The following SORT1 variants were observed in gnomAD, a reference collection of about 807,000 sequenced individuals.
The protein encoded by SORT1 is sortilin.
Under a neutral mutation model 101.7 loss-of-function variants are expected in SORT1, and 39 were observed. That is an observed-to-expected ratio of 0.38 (90% confidence interval 0.30 to 0.50). SORT1 has a LOEUF of 0.50. Among genes scored for constraint, SORT1 ranks in the 20% least tolerant of loss-of-function variants. The pLI, the probability that SORT1 is intolerant of heterozygous loss-of-function variation, is 0.90. For synonymous variants in SORT1, 396 were observed against 393.7 expected (o/e 1.01, Z -0.07); for missense variants, 878 against 1,040.4 (o/e 0.84, Z 2.15).
At chr1:109,393,769 T>C (rs1653039614) in intron 1 of SORT1, among the ~76,000 whole-genome samples, 1 of 152,308 alleles carries the variant, frequency 6.6e-6, no homozygotes, top group South Asian at 2.1e-4. Context: ...AGTTATTACA[T>C]ATGTATAGAT....
intron 5 of SORT1, among the ~76,000 whole-genome samples, chr1:109,352,011 C>T (rs1417486720): frequency 2.7e-5 from 4 of 147,696 alleles, no homozygotes; most frequent in African/African-American, 5.2e-5. Flanking sequence ...TGTGTACGCA[C>T]GTGCATGCAC....
At chr1:109,338,559 C>G (rs749890671) in intron 10 of SORT1, among the ~76,000 whole-genome samples, 1 of 152,150 alleles carries the variant, frequency 6.6e-6, no homozygotes, top group Non-Finnish European at 1.5e-5. Flanking sequence ...ACAAGAAGAA[C>G]CCTGGCTGGC....
At chr1:109,357,742 TC>T (rs1452106787) in intron 3 of SORT1, among the ~76,000 whole-genome samples, 8 of 152,194 alleles carry the variant, frequency 5.3e-5, no homozygotes, top group Non-Finnish European at 1.2e-4. Flanking sequence ...GTCTAAGTTG[TC>T]TGAATGACTC....
At position 109,313,926 on chromosome 1, in the gene SORT1, C is replaced by CATTAAA; in HGVS notation, c.*116_*117insTTTAAT. ...GTCCTTTTGGCTTTGATGGAAGCAG[C>CATTAAA]AGAAACAGAGCTGGGTCCCTCGCAA... On this transcript the variant is annotated 3_prime_UTR_variant, in exon 20 of 20. Coordinates refer to ENST00000256637, the MANE Select transcript of SORT1 (RefSeq NM_002959.7). 1.0e-6 allele frequency: 1 copy of CATTAAA among 966,622 alleles called. No individual in the cohort carries two copies. Among genetic ancestry groups the CATTAAA allele is most frequent in the Admixed American group, 2.3e-5 (1 of 43,870 alleles). The allele number at this position is 966,622 out of a possible 1,614,324, so 59.9% of individuals were successfully genotyped here.
chr1:109,397,904 G>T lies in SORT1; in HGVS notation c.-12C>A. The T allele has an allele frequency of 8.7e-7, 1 of 1,147,142 alleles. No individual in the cohort carries two copies. The highest frequency in any genetic ancestry group is 1.1e-6 in the Non-Finnish European group (1 of 935,986). The allele number at this position is 1,147,142 out of a possible 1,614,324, so 71.1% of individuals were successfully genotyped here. ...CAGGGCCGCTCCATCGCCGCCGAAT[G>T]CCGCCGACGCCGACACCTGCCGCCC... On this transcript the variant is annotated 5_prime_UTR_variant, in exon 1 of 20. Coordinates refer to ENST00000256637, the MANE Select transcript of SORT1 (RefSeq NM_002959.7).
intron 3 of SORT1, among the ~76,000 whole-genome samples, chr1:109,365,436 A>T (rs763671639): frequency 1.4e-4 from 21 of 152,178 alleles, no homozygotes; most frequent in Non-Finnish European, 2.8e-4. Flanking sequence ...TAACCACAGG[A>T]AAGAGTTACT....
intron 3 of SORT1, among the ~76,000 whole-genome samples, chr1:109,357,491 T>A (rs1650402153): frequency 6.6e-6 from 1 of 152,238 alleles, no homozygotes; most frequent in African/African-American, 2.4e-5. Context: ...AAAAGTCAAC[T>A]AGTTAATTAA....
chr1:109,397,465 C>T, intron 1 of SORT1, 122 bp downstream of exon 1: 1 of 669,170 alleles, frequency 1.5e-6, no homozygotes, highest in Non-Finnish European at 1.9e-6. Flanking sequence ...GGGCTGCGGC[C>T]CGGGGGACGC....
chr1:109,345,876 C>T lies in SORT1; in HGVS notation c.838G>A (p.Asp280Asn), dbSNP rs200910057. The T allele has an allele frequency of 6.2e-7, 1 of 1,611,666 alleles. No individual in the cohort carries two copies. Among genetic ancestry groups the T allele is most frequent in the Non-Finnish European group, 8.5e-7 (1 of 1,178,894 alleles). The change falls in exon 8 of 20, where the codon GAC becomes AAC. Residue 280 changes from aspartate to asparagine, a missense_variant. Around this residue, in one of 2 missense-constraint regions of SORT1, gnomAD observed 684 missense variants for 894.5 expected, o/e 0.76. Transcript: ENST00000256637. ...CTCCATAATTCCAGAGCCCCAAGGT[C>T]AGCTTCTTAAACAAGACAAAATATT... ...TTYANGSCKADLGALELWRTS... is the reference protein window; with the variant it reads ...TTYANGSCKANLGALELWRTS...
At chr1:109,351,773 C>T (rs983368208) in intron 5 of SORT1, among the ~76,000 whole-genome samples, 7 of 152,140 alleles carry the variant, frequency 4.6e-5, no homozygotes, top group Non-Finnish European at 8.8e-5. Context: ...AGTACTTGGA[C>T]GTGAATGGGA....
chr1:109,336,666 G>A (rs746937749), intron 10 of SORT1, among the ~76,000 whole-genome samples: 30 of 152,068 alleles, frequency 2.0e-4, no homozygotes, highest in Non-Finnish European at 2.8e-4. Flanking sequence ...AAAATTAGCC[G>A]GGTGTGGTGG....
At chr1:109,368,658 A>C (rs1353933378) in intron 2 of SORT1, 1 of 152,184 alleles carries the variant, frequency 6.6e-6, no homozygotes, top group Non-Finnish European at 1.5e-5. Flanking sequence ...GTGTCCTCCT[A>C]GTGGGAGCCC....
intron 11 of SORT1, among the ~76,000 whole-genome samples, chr1:109,333,641 C>T (rs749500284): frequency 5.3e-5 from 8 of 151,820 alleles, no homozygotes; most frequent in Non-Finnish European, 1.0e-4. Context: ...AACAGGTATA[C>T]GAAAAAATGC....
At chr1:109,357,065 T>C (rs1650373294) in intron 3 of SORT1, among the ~76,000 whole-genome samples, 1 of 152,238 alleles carries the variant, frequency 6.6e-6, no homozygotes. Flanking sequence ...GTCCAGATTA[T>C]GAAACCATAT....
intron 11 of SORT1, among the ~76,000 whole-genome samples, chr1:109,328,360 T>C (rs1402391745): frequency 6.6e-6 from 1 of 152,244 alleles, no homozygotes; most frequent in Non-Finnish European, 1.5e-5. Context: ...TCACCAAAAG[T>C]GCACCAGGGC....
chr1:109,313,684 G>A lies in SORT1; in HGVS notation c.*359C>T, dbSNP rs464218. On this transcript the variant is annotated 3_prime_UTR_variant, in exon 20 of 20. Transcript: ENST00000256637. ...AGTTGGCAGATGCCCTGGGGCAGGC[G>A]CCATGCAGAACACACAGAAGTGGGG... is the stretch of plus-strand genomic sequence containing the variant. 131,634 of 276,184 alleles carry A rather than the reference G, an allele frequency of 0.48. 34,608 individuals carry two copies. Among genetic ancestry groups the A allele is most frequent in the East Asian group, 0.62 (7,032 of 11,292 alleles). 17.1% of individuals were successfully genotyped at this position (276,184 alleles called of 1,614,324 possible).
intron 3 of SORT1, among the ~76,000 whole-genome samples, chr1:109,365,401 G>A (rs1203660075): frequency 6.6e-6 from 1 of 152,090 alleles, no homozygotes; most frequent in Non-Finnish European, 1.5e-5. Context: ...TTTGTGAGGA[G>A]GGAATTTATA....
At chr1:109,377,375 T>A (rs1406736180) in intron 1 of SORT1, among the ~76,000 whole-genome samples, 4 of 151,742 alleles carry the variant, frequency 2.6e-5, no homozygotes, top group Admixed American at 2.6e-4. Context: ...TTTCTTAGTA[T>A]TTTTTTTAAC....
intron 2 of SORT1, chr1:109,368,501 T>C (rs1570962073): frequency 6.6e-6 from 1 of 152,212 alleles, no homozygotes; most frequent in East Asian, 1.9e-4. Flanking sequence ...GCTTCTAATA[T>C]AACTATCATG....
Sources: gnomAD v4.1 joint callset for allele counts (sites outside exome capture counted in the v4.1 genomes callset) on GRCh38, gnomAD v4.1.1 for gene constraint, gnomAD v4.1.1 regional missense constraint, MANE v1.5 for transcripts, NCBI Gene and HGNC (gene_info 2026-07-23, HGNC 2026-07-21) for gene names.